The following RAB4B variants were observed in gnomAD, a reference collection of about 807,000 sequenced individuals.
RAB4B encodes RAB4B, member RAS oncogene family, also known as ras-related protein Rab-4B.
A neutral mutation model predicts 28.3 loss-of-function variants in RAB4B; 15 were observed. The observed-to-expected ratio is 0.53, with a 90% confidence interval of 0.35 to 0.82. The LOEUF (loss-of-function observed/expected upper bound fraction) is 0.82, where lower values mean the gene tolerates loss of function less well. Ranked by LOEUF, RAB4B falls within the 40% of genes least tolerant of loss-of-function variation. The pLI, the probability that RAB4B is intolerant of heterozygous loss-of-function variation, is 0.01. For synonymous variants in RAB4B, 108 were observed against 116.3 expected (o/e 0.93, Z 0.46); for missense variants, 244 against 288.5 (o/e 0.85, Z 1.12).
chr19:40,779,737 T>C, intron 1 of RAB4B: 1 of 600,218 alleles, frequency 1.7e-6, no homozygotes, highest in Non-Finnish European at 2.4e-6. Flanking sequence ...AAAGTGAAAC[T>C]CTGTCTCAAA....
chr19:40,786,793 G>C, intron 6 of RAB4B, 33 bp downstream of exon 6: 1 of 1,614,116 alleles, frequency 6.2e-7, no homozygotes, highest in Non-Finnish European at 8.5e-7. Flanking sequence ...TGGGAGCGAA[G>C]GGCAGGCCCG....
At chr19:40,787,961 CAAAAAAAAA>C (rs56997006) in intron 7 of RAB4B, among the ~76,000 whole-genome samples, 24,816 of 69,292 alleles carry the variant, frequency 0.36, 2,634 homozygotes, top group Middle Eastern at 0.5. Context: ...GACTCTGTCT[CAAAAAAAAA>C]AAAAAAAAAA....
intron 7 of RAB4B, chr19:40,792,505 AG>A (rs1196335130): frequency 6.6e-6 from 1 of 152,230 alleles, no homozygotes; most frequent in Non-Finnish European, 1.5e-5. Flanking sequence ...TAACAAGGCA[AG>A]GCAAGGCTTT....
At chr19:40,790,709 G>T in intron 7 of RAB4B, among the ~76,000 whole-genome samples, 2 of 83,466 alleles carry the variant, frequency 2.4e-5, no homozygotes, top group African/African-American at 4.9e-5. Flanking sequence ...ATCTCACTCT[G>T]CTCACTCTGT....
At chr19:40,782,501 C>A (rs2083058231) in intron 3 of RAB4B, among the ~76,000 whole-genome samples, 1 of 151,352 alleles carries the variant, frequency 6.6e-6, no homozygotes, top group African/African-American at 2.5e-5. Flanking sequence ...AACAAACAAA[C>A]AAAAAAGACA....
At chr19:40,794,642 A>AT (rs2083191093) in intron 7 of RAB4B, 1 of 152,144 alleles carries the variant, frequency 6.6e-6, no homozygotes. Flanking sequence ...TTTCCCCACC[A>AT]AGGCAGTGAC....
intron 7 of RAB4B, among the ~76,000 whole-genome samples, chr19:40,795,194 T>C (rs1466657280): frequency 7.1e-6 from 1 of 141,354 alleles, no homozygotes; most frequent in South Asian, 2.2e-4. Flanking sequence ...AAAAAAAAGA[T>C]GTGAGCCAGC....
At chr19:40,787,048 C>T (rs2083106840) in intron 7 of RAB4B, 70 bp downstream of exon 7, 2 of 1,268,182 alleles carry the variant, frequency 1.6e-6, no homozygotes, top group Non-Finnish European at 2.2e-6. Context: ...TGGAGATAGA[C>T]ACTGAACATG....
Position 40,783,913 on chromosome 19 carries a change from C to T in RAB4B, c.276-8C>T, listed in dbSNP as rs140401181. ...GCACTGCCTCCCTCCCTTCTCCCTT[C>T]TCCACAGCCGGGAGACATACAACTC... On this transcript the variant is annotated splice_polypyrimidine_tract_variant and splice_region_variant and intron_variant, in intron 4 of 7. Coordinates refer to ENST00000357052, the MANE Select transcript of RAB4B (RefSeq NM_016154.5). The T allele has an allele frequency of 3.1e-4, 493 of 1,600,472 alleles. 1 individual carries two copies. The African/African-American group carries it at 6.0e-3, about 20-fold the overall frequency.
At position 40,786,733 on chromosome 19, in the gene RAB4B, C is replaced by T. The variant is rs759985564; in HGVS notation, c.499C>T (p.Arg167Cys). ...GGAGGAGGCGTTCCTCAAGTGTGCC[C>T]GCACTATCCTCAACAAGATTGACTC... The part of the protein sequence containing the change: ...NVEEAFLKCA[R>C]TILNKIDSGE... Residue 167 changes from arginine (R) to cysteine (C), a missense_variant, in exon 6 of 8, where the codon CGC becomes TGC. By Grantham distance (180) the Arg-to-Cys change is radical (BLOSUM62 -3). Transcript: ENST00000357052. The T allele has an allele frequency of 7.9e-5, 127 of 1,613,982 alleles. No homozygotes were observed. Among genetic ancestry groups the T allele is most frequent in the Non-Finnish European group, 9.5e-5 (112 of 1,180,002 alleles).
chr19:40,791,190 A>G (rs2083156180), intron 7 of RAB4B, among the ~76,000 whole-genome samples: 1 of 151,822 alleles, frequency 6.6e-6, no homozygotes, highest in Non-Finnish European at 1.5e-5. Context: ...GGGTTTTGCC[A>G]TGCTCGTGAG....
chr19:40,793,011 A>G (rs550258994), intron 7 of RAB4B, among the ~76,000 whole-genome samples: 64 of 152,168 alleles, frequency 4.2e-4, no homozygotes, highest in African/African-American at 1.4e-3. Context: ...TCCTGACCTC[A>G]GGTGATCCAC....
intron 7 of RAB4B, chr19:40,794,711 A>G (rs901463775): frequency 6.6e-6 from 1 of 151,420 alleles, no homozygotes; most frequent in African/African-American, 2.4e-5. Flanking sequence ...CTCACCCTAG[A>G]GATTCTGAAG....
chr19:40,779,703 A>G, intron 1 of RAB4B: 1 of 350,356 alleles, frequency 2.9e-6, no homozygotes, highest in South Asian at 3.0e-5. Flanking sequence ...AGATCGCGCC[A>G]TTGCACTCCA....
At chr19:40,784,660 C>T (rs1209960705) in intron 5 of RAB4B, among the ~76,000 whole-genome samples, 2 of 152,144 alleles carry the variant, frequency 1.3e-5, no homozygotes, top group Non-Finnish European at 2.9e-5. Context: ...CCTTAGCACC[C>T]GCCACAGAGT....
intron 7 of RAB4B, among the ~76,000 whole-genome samples, chr19:40,789,837 G>A (rs1345706128): frequency 6.6e-6 from 1 of 152,188 alleles, no homozygotes; most frequent in Non-Finnish European, 1.5e-5. Context: ...GGGAAGCCTC[G>A]CTGAGAAGAT....
chr19:40,793,557 TTTC>T (rs1332378870), intron 7 of RAB4B, among the ~76,000 whole-genome samples: 1 of 147,256 alleles, frequency 6.8e-6, no homozygotes, highest in African/African-American at 2.5e-5. Context: ...CCTTTTTTCT[TTTC>T]TTTTCTTTTT....
At chr19:40,792,750 T>C (rs1009875171) in intron 7 of RAB4B, among the ~76,000 whole-genome samples, 1 of 152,244 alleles carries the variant, frequency 6.6e-6, no homozygotes, top group African/African-American at 2.4e-5. Context: ...CAATCACCAC[T>C]TCTGTGTTGT....
In RAB4B at chr19:40,784,906, T is replaced by C. The variant is rs1476038638; in HGVS notation, c.430+831T>C. Among the ~76,000 whole-genome samples, 4 of 150,918 alleles carry C rather than the reference T, an allele frequency of 2.7e-5. No individual in the cohort carries two copies. The South Asian group carries it at 8.4e-4, about 32-fold the overall frequency. On this transcript the variant is annotated intron_variant, in intron 5 of 7. Coordinates refer to ENST00000357052, the MANE Select transcript of RAB4B (RefSeq NM_016154.5). ...CCCAGGCTGGAGTATAGTGGCGCAA[T>C]CTCGGCTCACTGCAACTTCTGCCTC...
Sources: allele counts gnomAD v4.1 joint callset (sites outside exome capture counted in the v4.1 genomes callset), GRCh38; gene constraint gnomAD v4.1.1; transcripts MANE v1.5; gene names NCBI Gene and HGNC (gene_info 2026-07-23, HGNC 2026-07-21).